DMD: variants seen among roughly 807,000 people sequenced by gnomAD.
DMD encodes the protein dystrophin.
In DMD, 63 loss-of-function variants were observed where a neutral mutation model predicts 330.1. The ratio of observed to expected loss-of-function variants is 0.19; its 90% CI spans 0.16 to 0.24. The LOEUF (loss-of-function observed/expected upper bound fraction) is 0.24, where lower values mean the gene tolerates loss of function less well. Ranked by LOEUF, DMD falls within the 10% of genes least tolerant of loss-of-function variation. DMD has a pLI of 1.00. For synonymous variants in DMD, 1,223 were observed against 959.8 expected, an observed-to-expected ratio of 1.27 and a Z score of -5.07; for missense variants, 3,344 against 2,684.1, an observed-to-expected ratio of 1.25 and a Z score of -5.43.
intron 2 of DMD, among the ~76,000 whole-genome samples, chrX:32,969,198 T>C (rs907800607): frequency 2.2e-5 from 2 of 92,241 alleles, no homozygotes; most frequent in Non-Finnish European, 4.1e-5. Flanking sequence ...AGCAACACAT[T>C]TCTGCTCTTT....
Position 32,452,439 on chromosome X carries a change from G to GGGAAGGAAAGGAAAGGAAAGGAAA in DMD, c.3603+2222_3603+2223insTTTCCTTTCCTTTCCTTTCCTTCC. ...AGGGAAAGGGAAAGGGAAAGGGAAA[G>GGGAAGGAAAGGAAAGGAAAGGAAA]GGAAAGGAAAGGAAAGGAAAGGAAA... On this transcript the variant is annotated intron_variant, in intron 26 of 78. Transcript: ENST00000357033. Among the ~76,000 whole-genome samples, 2 of 12,205 alleles carry GGGAAGGAAAGGAAAGGAAAGGAAA rather than the reference G, an allele frequency of 1.6e-4. 1 individual carries two copies. Among genetic ancestry groups the GGGAAGGAAAGGAAAGGAAAGGAAA allele is most frequent in the Non-Finnish European group, 3.2e-4 (2 of 6,308 alleles). 10.6% of individuals were successfully genotyped at this position (12,205 alleles called of 115,157 possible).
chrX:31,550,089 T>C (rs772968684), intron 55 of DMD, among the ~76,000 whole-genome samples: 1 of 111,187 alleles, frequency 9.0e-6, no homozygotes, highest in African/African-American at 3.3e-5. Flanking sequence ...GAGAGAGCAT[T>C]TGCCACCCTC....
intron 29 of DMD, among the ~76,000 whole-genome samples, chrX:32,423,765 T>G (rs758780798): frequency 6.3e-5 from 7 of 110,698 alleles, no homozygotes; most frequent in Non-Finnish European, 1.3e-4. Context: ...GACCCTTTTG[T>G]GAAGGCTATG....
chrX:32,797,448 T>C (rs1049139833), intron 7 of DMD, among the ~76,000 whole-genome samples: 1 of 112,811 alleles, frequency 8.9e-6, no homozygotes, highest in African/African-American at 3.2e-5. Flanking sequence ...CATTTTATTC[T>C]CATTTACCAT....
At chrX:33,106,404 C>T (rs1364808145) in intron 1 of DMD, among the ~76,000 whole-genome samples, 1 of 110,883 alleles carries the variant, frequency 9.0e-6, no homozygotes, top group Admixed American at 9.7e-5. Flanking sequence ...AAGCAAAAAC[C>T]ACTTGAAACC....
intron 1 of DMD, among the ~76,000 whole-genome samples, chrX:33,178,549 C>T (rs2049801814): frequency 8.9e-6 from 1 of 112,451 alleles, no homozygotes; most frequent in African/African-American, 3.2e-5. Flanking sequence ...ACCATTATCA[C>T]TTTTTGTTAC....
At chrX:32,505,595 C>G (rs975355380) in intron 18 of DMD, among the ~76,000 whole-genome samples, 28 of 112,058 alleles carry the variant, frequency 2.5e-4, no homozygotes, top group African/African-American at 9.1e-4. Context: ...CTTTGGAAGA[C>G]AGTTTGGAGG....
chrX:32,765,234 G>A (rs985032631), intron 7 of DMD, among the ~76,000 whole-genome samples: 2 of 110,950 alleles, frequency 1.8e-5, no homozygotes, highest in African/African-American at 6.6e-5. Flanking sequence ...TGGAGTTGGT[G>A]TCTGGTGGGA....
chrX:32,544,108 G>A (rs2048743797), intron 17 of DMD, among the ~76,000 whole-genome samples: 3 of 111,880 alleles, frequency 2.7e-5, no homozygotes, highest in Middle Eastern at 4.6e-3. Context: ...TGGTTAGCAG[G>A]TCTTAGTTTG....
intron 25 of DMD, among the ~76,000 whole-genome samples, chrX:32,459,726 A>T (rs1205572060): frequency 9.0e-6 from 1 of 111,155 alleles, no homozygotes; most frequent in African/African-American, 3.3e-5. Context: ...CTTCCTCTAG[A>T]CTATCAACAA....
chrX:31,836,210 G>A (rs1487745918), intron 49 of DMD, among the ~76,000 whole-genome samples: 1 of 112,016 alleles, frequency 8.9e-6, no homozygotes, highest in Non-Finnish European at 1.9e-5. Flanking sequence ...GCAATTACAT[G>A]ACATTTCACT....
chrX:33,039,817 T>G (rs1208820738), intron 1 of DMD, among the ~76,000 whole-genome samples: 3 of 111,009 alleles, frequency 2.7e-5, no homozygotes, highest in Non-Finnish European at 5.7e-5. Context: ...GATGTAAAAA[T>G]GCTATATAAG....
chrX:32,500,723 C>T (rs2043968505), intron 19 of DMD, among the ~76,000 whole-genome samples: 2 of 111,815 alleles, frequency 1.8e-5, no homozygotes, highest in South Asian at 3.7e-4. Flanking sequence ...TAAACTTGTT[C>T]ACTCAAGTCT....
At chrX:32,558,899 T>C (rs2050629502) in intron 16 of DMD, among the ~76,000 whole-genome samples, 1 of 108,890 alleles carries the variant, frequency 9.2e-6, no homozygotes, top group Admixed American at 9.9e-5. Context: ...AATGATACAG[T>C]TAATTTCCAA....
chrX:33,284,730 C>T, intron 1 of DMD, among the ~76,000 whole-genome samples: 1 of 37,508 alleles, frequency 2.7e-5, no homozygotes, highest in Non-Finnish European at 4.5e-5. Flanking sequence ...CTTTAAAAAT[C>T]ATCTTTTTTT....
Position 32,201,466 on chromosome X carries a change from AACAC to A in DMD, c.6438+15446_6438+15449del, listed in dbSNP as rs546071113. The stretch of plus-strand genomic sequence containing the variant: ...GTGAGACTATTTATATGCAAATTCA[AACAC>A]CCCCCCCCCCCCCAACAAGGAGGCC... On this transcript the variant is annotated intron_variant, in intron 44 of 78. Coordinates refer to ENST00000357033, the MANE Select transcript of DMD (RefSeq NM_004006.3). Among the ~76,000 whole-genome samples the A allele has an allele frequency of 6.3e-3, 480 of 76,645 alleles. 4 individuals are homozygous for A. Among genetic ancestry groups the A allele is most frequent in the African/African-American group, 0.021 (449 of 20,928 alleles). The allele number at this position is 76,645 out of a possible 115,157, so 66.6% of individuals were successfully genotyped here. A position where few individuals can be genotyped will look rare whatever the true frequency, so the allele number is the denominator to read the frequency against.
chrX:31,175,895 G>A (rs1333876706), intron 71 of DMD, among the ~76,000 whole-genome samples: 4 of 111,362 alleles, frequency 3.6e-5, no homozygotes, highest in African/African-American at 1.3e-4. Context: ...AAAGGCCTAT[G>A]TTAGCTTTAG....
intron 13 of DMD, among the ~76,000 whole-genome samples, chrX:32,589,944 C>T (rs1181283644): frequency 9.0e-6 from 1 of 111,537 alleles, no homozygotes; most frequent in East Asian, 2.8e-4. Flanking sequence ...CAGACTCACC[C>T]ACGAACACTC....
rs2057414685 is a variant in DMD at position 32,614,579 on chromosome X, G to C, written c.1332-126C>G. 3.9e-5 allele frequency: 22 copies of C among 569,541 alleles called. No homozygotes were observed. In the South Asian group the frequency reaches 6.2e-4, roughly 16 times the overall value. The allele number at this position is 569,541 out of a possible 1,213,427, so 46.9% of individuals were successfully genotyped here. On this transcript the variant is annotated intron_variant, in intron 11 of 78. Transcript: ENST00000357033. ...CATTTGGGGGCATCTATTGGACATT[G>C]AGAAGGATGTAAGTAAAGCCCACTA...
Sources: gnomAD v4.1 joint callset for allele counts (sites outside exome capture counted in the v4.1 genomes callset) on GRCh38, gnomAD v4.1.1 for gene constraint, MANE v1.5 for transcripts, NCBI Gene and HGNC (gene_info 2026-07-23, HGNC 2026-07-21) for gene names.